The following TBC1D5 variants were observed in gnomAD, a reference collection of about 807,000 sequenced individuals.
TBC1D5 encodes the protein TBC1 domain family member 5.
TBC1D5 carries 75 observed loss-of-function variants against 100.3 expected under a neutral mutation model. That is an observed-to-expected ratio of 0.75 (90% CI 0.62 to 0.91). The LOEUF (loss-of-function observed/expected upper bound fraction) is 0.91, where lower values mean the gene tolerates loss of function less well. Ranked by LOEUF, TBC1D5 falls within the 40% of genes least tolerant of loss-of-function variation. The pLI is 0.00. For synonymous variants in TBC1D5, 323 were observed against 325.6 expected (o/e 0.99, Z 0.09); for missense variants, 910 against 942.4 (o/e 0.97, Z 0.45).
chr3:17,303,876 C>T (rs1308656542), intron 14 of TBC1D5, among the ~76,000 whole-genome samples: 1 of 131,806 alleles, frequency 7.6e-6, no homozygotes, highest in Non-Finnish European at 1.6e-5. Context: ...CCAGGTACCA[C>T]TTCCCAGTGT....
chr3:17,599,272 G>A, intron 2 of TBC1D5, among the ~76,000 whole-genome samples: 1 of 151,850 alleles, frequency 6.6e-6, no homozygotes, highest in East Asian at 1.9e-4. Flanking sequence ...AAACCACCCT[G>A]GCCCACCACA....
At chr3:17,264,107 AC>A (rs1167238266) in intron 15 of TBC1D5, among the ~76,000 whole-genome samples, 1 of 150,212 alleles carries the variant, frequency 6.7e-6, no homozygotes, top group Non-Finnish European at 1.5e-5. Flanking sequence ...TGCCACTCTT[AC>A]CCCTATGGCA....
At chr3:17,371,128 C>T (rs2092432187) in intron 13 of TBC1D5, among the ~76,000 whole-genome samples, 1 of 151,948 alleles carries the variant, frequency 6.6e-6, no homozygotes, top group South Asian at 2.1e-4. Flanking sequence ...GAGCATCTCC[C>T]TGTTCTGCTA....
chr3:17,367,938 C>T (rs1169506845), intron 13 of TBC1D5, among the ~76,000 whole-genome samples: 1 of 148,356 alleles, frequency 6.7e-6, no homozygotes, highest in Non-Finnish European at 1.5e-5. Context: ...ACAGAAGGAA[C>T]TTTCATAAAA....
At chr3:17,241,757 G>A (rs1011749424) in intron 16 of TBC1D5, among the ~76,000 whole-genome samples, 3 of 152,134 alleles carry the variant, frequency 2.0e-5, no homozygotes, top group African/African-American at 7.2e-5. Flanking sequence ...AAAGTTAGCA[G>A]AGAACACAGT....
chr3:17,633,362 G>A (rs1266507001), intron 1 of TBC1D5, among the ~76,000 whole-genome samples: 2 of 150,458 alleles, frequency 1.3e-5, no homozygotes, highest in South Asian at 4.2e-4. Flanking sequence ...CTGGAACCTG[G>A]GAGGCAGAGG....
chr3:17,468,793 T>C (rs1027409170), intron 3 of TBC1D5, among the ~76,000 whole-genome samples: 1 of 152,216 alleles, frequency 6.6e-6, no homozygotes, highest in African/African-American at 2.4e-5. Context: ...ATTAAACTAA[T>C]GATGTTCCTT....
chr3:17,307,400 C>G (rs1015030784), intron 14 of TBC1D5, among the ~76,000 whole-genome samples: 1 of 152,158 alleles, frequency 6.6e-6, no homozygotes, highest in Admixed American at 6.5e-5. Context: ...AAGCTAAGAA[C>G]TATCAGACTA....
chr3:17,614,786 G>A (rs1226173329), intron 2 of TBC1D5, among the ~76,000 whole-genome samples: 1 of 152,194 alleles, frequency 6.6e-6, no homozygotes, highest in East Asian at 1.9e-4. Flanking sequence ...ATTTTGGGCT[G>A]AGATGATGGG....
chr3:17,164,186 A>G (rs1352249419), intron 21 of TBC1D5, among the ~76,000 whole-genome samples: 2 of 152,188 alleles, frequency 1.3e-5, no homozygotes, highest in Admixed American at 6.5e-5. Context: ...CATCAACCTC[A>G]CAGTGAGGAG....
chr3:17,738,739 G>A (rs934681692), intron 1 of TBC1D5, among the ~76,000 whole-genome samples: 2 of 152,060 alleles, frequency 1.3e-5, no homozygotes, highest in South Asian at 4.2e-4. Flanking sequence ...GCCAACAAGT[G>A]GGCATGCAGC....
chr3:17,250,451 G>A (rs1313853134), intron 16 of TBC1D5, among the ~76,000 whole-genome samples: 1 of 152,182 alleles, frequency 6.6e-6, no homozygotes, highest in African/African-American at 2.4e-5. Context: ...TGGCCTGTAA[G>A]GCAAGCCCTA....
At chr3:17,626,118 C>T (rs761514021) in intron 1 of TBC1D5, among the ~76,000 whole-genome samples, 9 of 151,802 alleles carry the variant, frequency 5.9e-5, no homozygotes, top group Admixed American at 2.0e-4. Context: ...AATAATTTAC[C>T]CTAATCAAAA....
chr3:17,595,470 T>C (rs892745301), intron 2 of TBC1D5, among the ~76,000 whole-genome samples: 1 of 152,182 alleles, frequency 6.6e-6, no homozygotes, highest in Non-Finnish European at 1.5e-5. Flanking sequence ...AGCCTAAAAT[T>C]GGTTAACTCC....
rs547743283 is a variant in TBC1D5 at position 17,157,286 on chromosome 3, G to T, written c.*3677C>A. Reference sequence around the variant, plus strand: ...AGATGGATGAGAAAAAAGCGATAGGGCATACATGGCGTCACTGAATATTCC... The same window carrying T: ...AGATGGATGAGAAAAAAGCGATAGGTCATACATGGCGTCACTGAATATTCC... On this transcript the variant is annotated 3_prime_UTR_variant, in exon 22 of 22. Transcript: ENST00000253692. 4.6e-5 allele frequency: 7 copies of T among 152,360 alleles called. No homozygotes were observed. In the South Asian group the frequency reaches 1.5e-3, roughly 32 times the overall value. The allele number at this position is 152,360 out of a possible 1,614,324, so 9.4% of individuals were successfully genotyped here. A position where few individuals can be genotyped will look rare whatever the true frequency, so the allele number is the denominator to read the frequency against.
chr3:17,735,777 G>A (rs750965176), intron 1 of TBC1D5, among the ~76,000 whole-genome samples: 1 of 152,222 alleles, frequency 6.6e-6, no homozygotes, highest in Non-Finnish European at 1.5e-5. Flanking sequence ...TGCTGGATCT[G>A]GAGGGGTGGA....
At chr3:17,241,583 C>T (rs562429478) in intron 16 of TBC1D5, among the ~76,000 whole-genome samples, 1 of 152,250 alleles carries the variant, frequency 6.6e-6, no homozygotes, top group South Asian at 2.1e-4. Context: ...TTGGCACAAC[C>T]TCATTTAACA....
At chr3:17,237,105 C>A (rs924974744) in intron 17 of TBC1D5, among the ~76,000 whole-genome samples, 23 of 152,100 alleles carry the variant, frequency 1.5e-4, no homozygotes, top group African/African-American at 5.6e-4. Flanking sequence ...TTCTTACTGA[C>A]AATATTACTC....
chr3:17,696,111 G>C (rs2072024774), intron 1 of TBC1D5, among the ~76,000 whole-genome samples: 1 of 151,898 alleles, frequency 6.6e-6, no homozygotes, highest in Non-Finnish European at 1.5e-5. Context: ...TGTGTAGAGG[G>C]AAATTTATAG....
Sources: gnomAD v4.1 joint callset for allele counts (sites outside exome capture counted in the v4.1 genomes callset) on GRCh38, gnomAD v4.1.1 for gene constraint, MANE v1.5 for transcripts, NCBI Gene and HGNC (gene_info 2026-07-23, HGNC 2026-07-21) for gene names.